Variants in NRXN1 observed in about 807,000 individuals in gnomAD.
NRXN1 encodes neurexin 1.
Under a neutral mutation model 150.9 loss-of-function variants are expected in NRXN1, and 39 were observed. That is an observed-to-expected ratio of 0.26 (90% confidence interval 0.20 to 0.34). The LOEUF (loss-of-function observed/expected upper bound fraction) is 0.34, where lower values mean the gene tolerates loss of function less well. Ranked by LOEUF, NRXN1 falls within the 10% of genes least tolerant of loss-of-function variation. NRXN1 has a pLI of 1.00. For missense variants in NRXN1, 1,815 were observed against 1,949.9 expected, an observed-to-expected ratio of 0.93 and a Z score of 1.30; for synonymous variants, 924 against 757.0, an observed-to-expected ratio of 1.22 and a Z score of -3.62.
intron 21 of NRXN1, among the ~76,000 whole-genome samples, chr2:49,984,435 T>A (rs1680554770): frequency 6.6e-6 from 1 of 152,010 alleles, no homozygotes; most frequent in South Asian, 2.1e-4. Flanking sequence ...AACAGAAACT[T>A]CTCTAGCAAT....
rs1004261944 is a variant in NRXN1, at chr2:50,975,668, C to A, written c.773-49713G>T. 2.0e-5 allele frequency among the ~76,000 whole-genome samples: 3 copies of A among 152,080 alleles called. No homozygotes were observed. In the South Asian group the frequency reaches 6.2e-4, roughly 31 times the overall value. ...CTAACTATGTGGACATCTGCAATTT[C>A]TTTGCTTGCCCTGCGTCCTTTCTTT... On this transcript the variant is annotated intron_variant, in intron 2 of 22. Coordinates refer to ENST00000401669, the MANE Select transcript of NRXN1 (RefSeq NM_001330078.2).
chr2:50,832,635 G>T (rs997352520), intron 5 of NRXN1, among the ~76,000 whole-genome samples: 1 of 152,092 alleles, frequency 6.6e-6, no homozygotes, highest in Non-Finnish European at 1.5e-5. Flanking sequence ...ACTCCAGCTT[G>T]GGCGACAGAG....
At chr2:50,747,524 A>G (rs1479269572) in intron 5 of NRXN1, among the ~76,000 whole-genome samples, 2 of 151,516 alleles carry the variant, frequency 1.3e-5, no homozygotes, top group African/African-American at 2.4e-5. Context: ...TTTTAATTCT[A>G]TTTCCTCTCA....
intron 5 of NRXN1, chr2:50,757,877 C>G (rs1701344799): frequency 6.6e-6 from 1 of 151,644 alleles, no homozygotes; most frequent in African/African-American, 2.4e-5. Context: ...AATGTTACCT[C>G]CTCTCTTGAG....
intron 5 of NRXN1, among the ~76,000 whole-genome samples, chr2:50,819,522 T>C (rs1234881806): frequency 6.6e-6 from 1 of 151,996 alleles, no homozygotes; most frequent in Non-Finnish European, 1.5e-5. Flanking sequence ...CAGGGGATAA[T>C]AGGGCATAGG....
chr2:50,820,871 G>A (rs1197299244), intron 5 of NRXN1, among the ~76,000 whole-genome samples: 1 of 152,086 alleles, frequency 6.6e-6, no homozygotes, highest in Non-Finnish European at 1.5e-5. Context: ...CACCCACGAG[G>A]TCTGTTTGTG....
At chr2:50,897,794 C>T (rs1682242912) in intron 5 of NRXN1, among the ~76,000 whole-genome samples, 1 of 152,166 alleles carries the variant, frequency 6.6e-6, no homozygotes, top group Admixed American at 6.5e-5. Flanking sequence ...AGAATCTTCA[C>T]AATCTTTGGA....
At chr2:50,988,275 A>C (rs942281073) in intron 2 of NRXN1, among the ~76,000 whole-genome samples, 2 of 151,960 alleles carry the variant, frequency 1.3e-5, no homozygotes, top group Non-Finnish European at 2.9e-5. Flanking sequence ...CTTAGTCATT[A>C]TTTATTAACT....
chr2:50,820,965 T>C (rs892448522), intron 5 of NRXN1, among the ~76,000 whole-genome samples: 1 of 152,168 alleles, frequency 6.6e-6, no homozygotes, highest in African/African-American at 2.4e-5. Flanking sequence ...CTACATTAAA[T>C]TGTCAATAAA....
intron 21 of NRXN1, among the ~76,000 whole-genome samples, chr2:49,986,122 G>C (rs1208086100): frequency 6.6e-6 from 1 of 152,150 alleles, no homozygotes; most frequent in Non-Finnish European, 1.5e-5. Flanking sequence ...TAAATGAAGT[G>C]ATAAATTGGC....
intron 5 of NRXN1, among the ~76,000 whole-genome samples, chr2:50,837,438 A>G (rs1172023134): frequency 1.3e-5 from 2 of 152,138 alleles, no homozygotes; most frequent in East Asian, 3.9e-4. Context: ...TATAAACACC[A>G]TTAACTTGGG....
chr2:50,324,222 C>G (rs776248512), intron 17 of NRXN1, among the ~76,000 whole-genome samples: 1 of 152,118 alleles, frequency 6.6e-6, no homozygotes, highest in Non-Finnish European at 1.5e-5. Flanking sequence ...GCGACCTAAA[C>G]CAGGTGGTAG....
rs533152574 is a variant in NRXN1 at position 50,666,313 on chromosome 2, T to C, written c.833-42698A>G. On this transcript the variant is annotated intron_variant, in intron 5 of 22. Coordinates refer to ENST00000401669, the MANE Select transcript of NRXN1 (RefSeq NM_001330078.2). ...TGCAAGTTCTGGTGGTTTCCAGTTT[T>C]TGTCTTTTACAATTAAAGCTGTCAC... Among the ~76,000 whole-genome samples the C allele has an allele frequency of 5.9e-5, 9 of 152,098 alleles. No homozygotes were observed. In the South Asian group the frequency reaches 1.9e-3, roughly 32 times the overall value.
intron 18 of NRXN1, among the ~76,000 whole-genome samples, chr2:50,136,568 T>C (rs913790417): frequency 3.3e-5 from 5 of 152,234 alleles, no homozygotes; most frequent in Admixed American, 2.0e-4. Context: ...ATTTAATCTC[T>C]ATCCTCTCCT....
At chr2:50,772,248 C>T (rs746498519) in intron 5 of NRXN1, among the ~76,000 whole-genome samples, 16 of 151,716 alleles carry the variant, frequency 1.1e-4, no homozygotes, top group Admixed American at 5.3e-4. Context: ...TAGGCTCCTG[C>T]AGCATACAAA....
At chr2:50,053,998 G>T (rs746225567) in intron 20 of NRXN1, among the ~76,000 whole-genome samples, 6 of 152,122 alleles carry the variant, frequency 3.9e-5, no homozygotes, top group Non-Finnish European at 5.9e-5. Flanking sequence ...CATAGCAGCT[G>T]AAATCTAATT....
chr2:50,512,792 C>T (rs1206538196), intron 12 of NRXN1, among the ~76,000 whole-genome samples: 2 of 152,176 alleles, frequency 1.3e-5, no homozygotes, highest in African/African-American at 4.8e-5. Flanking sequence ...GTTCTAAATA[C>T]ATTTTAAACA....
At chr2:50,955,746 T>G (rs1396262862) in intron 2 of NRXN1, among the ~76,000 whole-genome samples, 1 of 152,184 alleles carries the variant, frequency 6.6e-6, no homozygotes, top group Non-Finnish European at 1.5e-5. Context: ...CCCAAGAACA[T>G]ATTTAGAGAA....
At chr2:50,953,849 C>T (rs1691830385) in intron 2 of NRXN1, among the ~76,000 whole-genome samples, 1 of 152,090 alleles carries the variant, frequency 6.6e-6, no homozygotes. Context: ...GCATGAGCCA[C>T]CACGCCCATT....
Sources: gnomAD v4.1 joint callset for allele counts (sites outside exome capture counted in the v4.1 genomes callset) on GRCh38, gnomAD v4.1.1 for gene constraint, MANE v1.5 for transcripts, NCBI Gene and HGNC (gene_info 2026-07-23, HGNC 2026-07-21) for gene names.